The following CAPN2 variants were observed in gnomAD, a reference collection of about 807,000 sequenced individuals.
CAPN2 encodes calpain 2.
Under a neutral mutation model 102.3 loss-of-function variants are expected in CAPN2, and 92 were observed. That is an observed-to-expected ratio of 0.90 (90% confidence interval 0.76 to 1.07). CAPN2 has a LOEUF of 1.07. Among genes scored for constraint, CAPN2 ranks in the 50% least tolerant of loss-of-function variants. The probability of loss-of-function intolerance (pLI) is 0.00; values close to 1 mark genes in which losing one functional copy is unlikely to be tolerated. For missense variants in CAPN2, 800 were observed against 909.4 expected (o/e 0.88, Z 1.55); for synonymous variants, 340 against 355.4 (o/e 0.96, Z 0.49).
rs1356617692 is a variant in CAPN2, at chr1:223,754,042, G to C, written c.1135+1086G>C. Among the ~76,000 whole-genome samples, 8 of 152,194 alleles carry C rather than the reference G, an allele frequency of 5.3e-5. No homozygotes were observed. Among genetic ancestry groups the C allele is most frequent in the Non-Finnish European group, 2.9e-5 (2 of 68,030 alleles). On this transcript the variant is annotated intron_variant, in intron 9 of 20. Coordinates refer to ENST00000295006, the MANE Select transcript of CAPN2 (RefSeq NM_001748.5). The surrounding 1 kb of genome is among the most constrained non-coding windows in gnomAD (Gnocchi z 4.7). ...CTTATCACCTCCATCTCTAAGATGA[G>C]GAAACTGAGGCTTGGAGAGGCTAGT...
chr1:223,720,033 G>T (rs1660009042), intron 2 of CAPN2, among the ~76,000 whole-genome samples: 1 of 152,168 alleles, frequency 6.6e-6, no homozygotes, highest in East Asian at 1.9e-4. Context: ...CAGAGGCCAT[G>T]GCAGTGACAC....
chr1:223,740,534 G>A (rs1660588149), intron 2 of CAPN2, among the ~76,000 whole-genome samples: 1 of 152,204 alleles, frequency 6.6e-6, no homozygotes, highest in African/African-American at 2.4e-5. Flanking sequence ...AACAAAGGAA[G>A]GAGGAAGTAA....
chr1:223,729,831 C>T (rs185015900), intron 2 of CAPN2, among the ~76,000 whole-genome samples: 7 of 151,980 alleles, frequency 4.6e-5, no homozygotes, highest in South Asian at 2.1e-4. Context: ...GGTGAAACCT[C>T]GCCTCTACTA....
chr1:223,761,935 A>C (rs1661195924), intron 13 of CAPN2, among the ~76,000 whole-genome samples: 6 of 152,184 alleles, frequency 3.9e-5, no homozygotes, highest in Admixed American at 3.9e-4. Flanking sequence ...TAGAGAAGAT[A>C]CCTCTGTGAG....
rs1056585989 is a variant in CAPN2 at position 223,752,879 on chromosome 1, A to G, written c.1058A>G (p.Tyr353Cys). The part of the protein sequence containing the change: ...LTPDTLTSDT[Y>C]KKWKLTKMDG... The stretch of plus-strand genomic sequence containing the variant: ...CCAGACACTCTCACCAGCGATACCT[A>G]CAAGAAGTGGAAACTCACCAAAATG... The change falls in exon 9 of 21, where the codon TAC becomes TGC. Residue 353 changes from tyrosine to cysteine, a missense_variant. Transcript: ENST00000295006. 1 of 1,614,148 alleles carries G rather than the reference A, an allele frequency of 6.2e-7. No individual in the cohort carries two copies. Among genetic ancestry groups the G allele is most frequent in the African/African-American group, 1.3e-5 (1 of 75,028 alleles).
At chr1:223,753,231 C>A (rs2298256) in intron 9 of CAPN2, among the ~76,000 whole-genome samples, 9,425 of 152,230 alleles carry the variant, frequency 0.062, 681 homozygotes, top group African/African-American at 0.16. Flanking sequence ...CCCTAGATTC[C>A]CCAGCGCCCA....
intron 1 of CAPN2, among the ~76,000 whole-genome samples, chr1:223,706,594 G>T (rs570015120): frequency 6.6e-6 from 1 of 152,246 alleles, no homozygotes; most frequent in South Asian, 2.1e-4. Context: ...AGCCAGGCTG[G>T]CTCTACAACA....
chr1:223,715,826 G>C (rs1659861034), intron 1 of CAPN2, among the ~76,000 whole-genome samples: 1 of 152,166 alleles, frequency 6.6e-6, no homozygotes. Flanking sequence ...CATATGTCCT[G>C]TCTCCAAGTT....
At position 223,726,683 on chromosome 1, in the gene CAPN2, G is replaced by A. The variant is rs1210131279; in HGVS notation, c.307+8852G>A. Among the ~76,000 whole-genome samples, 3 of 152,192 alleles carry A rather than the reference G, an allele frequency of 2.0e-5. No individual in the cohort carries two copies. Among genetic ancestry groups the A allele is most frequent in the East Asian group, 3.9e-4 (2 of 5,186 alleles). On this transcript the variant is annotated intron_variant, in intron 2 of 20. Transcript: ENST00000295006. This position sits in a 1 kb window ranked among gnomAD's most constrained non-coding sequence, Gnocchi z 4.4. ...GCTGTGGCTCACAGTTCTGATGTGT[G>A]TGCAGTTTAGGGAAGGAGGCTGAAG...
At chr1:223,772,637 T>G (rs945677264) in intron 20 of CAPN2, 13 of 186,696 alleles carry the variant, frequency 7.0e-5, no homozygotes, top group Admixed American at 2.3e-4. Context: ...TTAGAGTGGA[T>G]CTACTTAAAA....
At position 223,774,940 on chromosome 1, in the gene CAPN2, T is replaced by G; in HGVS notation, c.*83T>G. 1 of 1,157,004 alleles carries G rather than the reference T, an allele frequency of 8.6e-7. No homozygotes were observed. Among genetic ancestry groups the G allele is most frequent in the Non-Finnish European group, 1.3e-6 (1 of 780,318 alleles). 71.7% of individuals were successfully genotyped at this position (1,157,004 alleles called of 1,614,324 possible). The stretch of plus-strand genomic sequence containing the variant: ...CTTCCATAGAAATACACTTTGTATC[T>G]GGACCTCAAAATTATGGGAACATTT... On this transcript the variant is annotated 3_prime_UTR_variant, in exon 21 of 21. Transcript: ENST00000295006.
At chr1:223,722,287 T>C (rs1351335077) in intron 2 of CAPN2, among the ~76,000 whole-genome samples, 3 of 95,548 alleles carry the variant, frequency 3.1e-5, no homozygotes, top group South Asian at 3.2e-4. Context: ...CTTTCTTTTT[T>C]TTTTTTTTTT....
In CAPN2 at chr1:223,737,809, C is replaced by CTGGAGAG. The variant is rs113108724; in HGVS notation, c.308-6291_308-6290insTGGAGAG. ...CAGAAAGAAGGGAATGTGTCAAAAC[C>CTGGAGAG]GGGAGAGGGGAAAAAAAAAGGCATG... On this transcript the variant is annotated intron_variant, in intron 2 of 20. Coordinates refer to ENST00000295006, the MANE Select transcript of CAPN2 (RefSeq NM_001748.5). Among the ~76,000 whole-genome samples the CTGGAGAG allele has an allele frequency of 3.6e-3, 547 of 150,234 alleles. 6 individuals are homozygous for CTGGAGAG. The highest frequency in any genetic ancestry group is 0.011 in the African/African-American group (455 of 40,862).
chr1:223,702,644 G>C (rs1429026401), intron 1 of CAPN2, among the ~76,000 whole-genome samples: 1 of 152,178 alleles, frequency 6.6e-6, no homozygotes, highest in Admixed American at 6.5e-5. Context: ...GCAAAACGGG[G>C]AGGATAGGAC....
chr1:223,717,760 A>G lies in CAPN2; in HGVS notation c.238-2A>G, dbSNP rs111782434. 19 of 1,613,710 alleles carry G rather than the reference A, an allele frequency of 1.2e-5. No homozygotes were observed. In the African/African-American group the frequency reaches 2.1e-4, roughly 18 times the overall value. On this transcript the variant is annotated splice_acceptor_variant, in intron 1 of 20. Coordinates refer to ENST00000295006, the MANE Select transcript of CAPN2 (RefSeq NM_001748.5). LOFTEE classifies it high-confidence loss of function. ...ACAGCACTTTGTGGGTCTCGTTCCC[A>G]GGAGATCTGCGCTGACCCCCAGTTT...
chr1:223,746,447 C>T (rs969214438), intron 4 of CAPN2, among the ~76,000 whole-genome samples: 2 of 146,988 alleles, frequency 1.4e-5, no homozygotes, highest in Non-Finnish European at 3.0e-5. Flanking sequence ...TCACTAAGGT[C>T]CTTCCGACTC....
chr1:223,755,503 T>C lies in CAPN2; in HGVS notation c.1159T>C (p.Tyr387His), dbSNP rs1661010385. Residue 387 changes from tyrosine (Y) to histidine (H), a missense_variant, in exon 10 of 21, where the codon TAC (tyrosine) becomes CAC (histidine). Transcript: ENST00000295006. This position sits in a 1 kb window ranked among gnomAD's most constrained non-coding sequence, Gnocchi z 4.1. ...YPNTFWMNPQ[Y>H]LIKLEEEDED... ...AGACACATTCTGGATGAACCCTCAG[T>C]ACCTGATCAAGCTGGAGGAGGAGGA... 1 of 1,613,798 alleles carries C rather than the reference T, an allele frequency of 6.2e-7. No individual in the cohort carries two copies. Among genetic ancestry groups the C allele is most frequent in the African/African-American group, 1.3e-5 (1 of 74,860 alleles).
intron 20 of CAPN2, among the ~76,000 whole-genome samples, chr1:223,774,272 T>C (rs1661557318): frequency 6.6e-6 from 1 of 152,070 alleles, no homozygotes; most frequent in African/African-American, 2.4e-5. Context: ...CCTTACCTTT[T>C]GCAGGTTCCT....
chr1:223,758,979 C>T, intron 11 of CAPN2: 2 of 420,706 alleles, frequency 4.8e-6, no homozygotes, highest in Non-Finnish European at 8.9e-6. Context: ...GCGTGAGCCA[C>T]CACACCTAAC....
Sources: gnomAD v4.1 joint callset for allele counts (sites outside exome capture counted in the v4.1 genomes callset) on GRCh38, gnomAD v4.1.1 for gene constraint, Gnocchi (gnomAD v3.1) non-coding constraint, MANE v1.5 for transcripts, NCBI Gene and HGNC (gene_info 2026-07-23, HGNC 2026-07-21) for gene names.